The following TNKS variants were observed in gnomAD, a reference collection of about 807,000 sequenced individuals.
TNKS encodes the protein poly [ADP-ribose] polymerase tankyrase-1.
In TNKS, 72 loss-of-function variants were observed where a neutral mutation model predicts 135.8. That is an observed-to-expected ratio of 0.53 (90% confidence interval 0.44 to 0.64). The LOEUF (loss-of-function observed/expected upper bound fraction) is 0.64. Ranked by LOEUF, TNKS falls within the 30% of genes least tolerant of loss-of-function variation. The probability of loss-of-function intolerance (pLI) is 0.00; values close to 1 mark genes in which losing one functional copy is unlikely to be tolerated. For synonymous variants in TNKS, 849 were observed against 649.3 expected, an observed-to-expected ratio of 1.31 and a Z score of -4.68; for missense variants, 1,769 against 1,674.0, an observed-to-expected ratio of 1.06 and a Z score of -0.99.
chr8:9,771,959 A>G (rs1807921250), intron 26 of TNKS, among the ~76,000 whole-genome samples: 1 of 65,808 alleles, frequency 1.5e-5, no homozygotes, highest in African/African-American at 7.7e-5. Flanking sequence ...AGGGAGTGGG[A>G]GGGAGTGAGA....
chr8:9,631,927 T>G (rs1800307923), intron 3 of TNKS, among the ~76,000 whole-genome samples: 1 of 152,166 alleles, frequency 6.6e-6, no homozygotes, highest in South Asian at 2.1e-4. Flanking sequence ...AGATTAACAT[T>G]GGCTGGTATC....
At chr8:9,585,537 A>G (rs1798343186) in intron 2 of TNKS, among the ~76,000 whole-genome samples, 1 of 152,198 alleles carries the variant, frequency 6.6e-6, no homozygotes, top group African/African-American at 2.4e-5. Context: ...TACAGAGGGA[A>G]AAAAATTAGG....
At chr8:9,752,707 C>A in intron 20 of TNKS, 81 bp downstream of exon 20, 5 of 957,244 alleles carry the variant, frequency 5.2e-6, no homozygotes, top group East Asian at 5.4e-5. Flanking sequence ...ACCTTACTCC[C>A]AACACTTTGG....
chr8:9,740,887 G>T (rs1488823535), intron 17 of TNKS: 1 of 120,302 alleles, frequency 8.3e-6, no homozygotes, highest in Admixed American at 1.2e-4. Context: ...TCAGCTCACT[G>T]CAAGCTCCGC....
intron 2 of TNKS, among the ~76,000 whole-genome samples, chr8:9,594,092 G>A (rs1798685160): frequency 6.6e-6 from 1 of 152,068 alleles, no homozygotes; most frequent in Non-Finnish European, 1.5e-5. Flanking sequence ...TCGCCATTTT[G>A]GCCGGGCTGG....
intron 2 of TNKS, among the ~76,000 whole-genome samples, chr8:9,606,093 C>T (rs7815525): frequency 0.23 from 30,896 of 132,386 alleles, 3,692 homozygotes; most frequent in East Asian, 0.31. Context: ...TCTTTTATGT[C>T]AAGTCTGTAG....
At chr8:9,595,614 G>A (rs1435107313) in intron 2 of TNKS, among the ~76,000 whole-genome samples, 17 of 151,890 alleles carry the variant, frequency 1.1e-4, no homozygotes, top group African/African-American at 2.9e-4. Flanking sequence ...AAAAGCACCC[G>A]TATGGAAGCT....
rs530547298 is a variant in TNKS, at chr8:9,772,500, A to G, written c.3897+2238A>G. On this transcript the variant is annotated intron_variant, in intron 26 of 26. Coordinates refer to ENST00000310430, the MANE Select transcript of TNKS (RefSeq NM_003747.3). ...TGTATTCTTCAAAAATGTTAATATT[A>G]TAAAAGAAAGGCTGTGCTAACTTTC... The G allele has an allele frequency of 2.2e-4, 99 of 446,062 alleles. 2 individuals are homozygous for G. Among genetic ancestry groups the G allele is most frequent in the South Asian group, 1.5e-3 (91 of 62,408 alleles). The allele number at this position is 446,062 out of a possible 1,614,324, so 27.6% of individuals were successfully genotyped here.
At chr8:9,671,754 C>T (rs1224505409) in intron 3 of TNKS, among the ~76,000 whole-genome samples, 3 of 152,202 alleles carry the variant, frequency 2.0e-5, no homozygotes, top group Non-Finnish European at 2.9e-5. Flanking sequence ...GTAAATTATA[C>T]TTCGAAAAAT....
chr8:9,560,100 T>A (rs1797265971), intron 1 of TNKS, among the ~76,000 whole-genome samples: 1 of 152,180 alleles, frequency 6.6e-6, no homozygotes, highest in Non-Finnish European at 1.5e-5. Context: ...CAAAATAGTT[T>A]TATAAATAGT....
chr8:9,664,662 A>G (rs1300597136), intron 3 of TNKS, among the ~76,000 whole-genome samples: 1 of 152,266 alleles, frequency 6.6e-6, no homozygotes, highest in African/African-American at 2.4e-5. Flanking sequence ...CAGGTAATGT[A>G]CATAAAATTA....
chr8:9,764,090 C>T (rs1807292561), intron 22 of TNKS, among the ~76,000 whole-genome samples: 1 of 152,120 alleles, frequency 6.6e-6, no homozygotes. Flanking sequence ...AATGTAGTGA[C>T]TCTTCACAAG....
At chr8:9,622,493 C>T (rs988302765) in intron 3 of TNKS, among the ~76,000 whole-genome samples, 1 of 152,134 alleles carries the variant, frequency 6.6e-6, no homozygotes, top group African/African-American at 2.4e-5. Context: ...TAAGTTACTT[C>T]TAAGTTCACA....
intron 5 of TNKS, 79 bp downstream of exon 5, chr8:9,680,879 C>A: frequency 3.0e-6 from 3 of 993,772 alleles, no homozygotes; most frequent in South Asian, 2.8e-5. Context: ...TATATAAGCA[C>A]GTATACCTAC....
At chr8:9,664,334 A>G (rs980924347) in intron 3 of TNKS, among the ~76,000 whole-genome samples, 6 of 152,126 alleles carry the variant, frequency 3.9e-5, no homozygotes, top group African/African-American at 1.2e-4. Flanking sequence ...ACAACCAACT[A>G]TTGAAGGAAC....
intron 3 of TNKS, 115 bp from the exon 4 acceptor site, chr8:9,679,836 G>A: frequency 2.5e-6 from 2 of 814,848 alleles, no homozygotes; most frequent in Non-Finnish European, 4.1e-6. Flanking sequence ...CACCCAGCGG[G>A]GTGTGGACTC....
intron 3 of TNKS, among the ~76,000 whole-genome samples, chr8:9,662,791 A>G (rs1801785813): frequency 6.6e-6 from 1 of 152,250 alleles, no homozygotes; most frequent in Non-Finnish European, 1.5e-5. Context: ...ATTCAATGAA[A>G]GAGCAGTATT....
chr8:9,710,094 C>G (rs1357473242), intron 10 of TNKS, 48 bp downstream of exon 10: 4 of 1,609,778 alleles, frequency 2.5e-6, no homozygotes, highest in African/African-American at 2.7e-5. Flanking sequence ...AGAGGAAATG[C>G]AATAAAAGAG....
chr8:9,661,459 G>A (rs56340153), intron 3 of TNKS, among the ~76,000 whole-genome samples: 125,028 of 151,796 alleles, frequency 0.82, 51,744 homozygotes, highest in Middle Eastern at 0.88. Context: ...TTTTTGACAA[G>A]CCTGACAAAA....
Sources: allele counts gnomAD v4.1 joint callset (sites outside exome capture counted in the v4.1 genomes callset), GRCh38; gene constraint gnomAD v4.1.1; transcripts MANE v1.5; gene names NCBI Gene and HGNC (gene_info 2026-07-23, HGNC 2026-07-21).